PCDHGB6: variants seen among roughly 807,000 people sequenced by gnomAD.
PCDHGB6 encodes the protein protocadherin gamma-B6.
In PCDHGB6, 51 loss-of-function variants were observed where a neutral mutation model predicts 59.1. The ratio of observed to expected loss-of-function variants is 0.86; its 90% CI spans 0.69 to 1.09. The LOEUF (loss-of-function observed/expected upper bound fraction) is 1.09. Among genes scored for constraint, PCDHGB6 ranks in the 50% least tolerant of loss-of-function variants. The pLI, the probability that PCDHGB6 is intolerant of heterozygous loss-of-function variation, is 0.00. For missense variants in PCDHGB6, 1,148 were observed against 1,205.1 expected (o/e 0.95, Z 0.70); for synonymous variants, 466 against 495.1 (o/e 0.94, Z 0.78).
chr5:141,413,211 G>A, intron 1 of PCDHGB6: 1 of 1,613,214 alleles, frequency 6.2e-7, no homozygotes, highest in South Asian at 1.1e-5. Context: ...AGGAATCAAA[G>A]GATTGCAGCG....
chr5:141,485,274 C>T lies in PCDHGB6; in HGVS notation c.2419-9533C>T. On this transcript the variant is annotated intron_variant, in intron 1 of 3. Transcript: ENST00000520790. The surrounding 1 kb of genome is among the most constrained non-coding windows in gnomAD (Gnocchi z 5.7). Reference sequence around the variant, plus strand: ...TACGTTTGTGGGCAGATCCGCTACCCGGTCCCAGAGGAGTCACAGGAAGGG... The same window carrying T: ...TACGTTTGTGGGCAGATCCGCTACCTGGTCCCAGAGGAGTCACAGGAAGGG... The T allele has an allele frequency of 6.2e-7, 1 of 1,614,106 alleles. No individual in the cohort carries two copies. Among genetic ancestry groups the T allele is most frequent in the South Asian group, 1.1e-5 (1 of 91,086 alleles).
At chr5:141,461,242 T>G (rs1246270739) in intron 1 of PCDHGB6, among the ~76,000 whole-genome samples, 1 of 152,170 alleles carries the variant, frequency 6.6e-6, no homozygotes, top group Non-Finnish European at 1.5e-5. Context: ...TGTACTAATT[T>G]ATATTCCCAG....
chr5:141,420,840 TC>T (rs1453160032), intron 1 of PCDHGB6, among the ~76,000 whole-genome samples: 1 of 152,250 alleles, frequency 6.6e-6, no homozygotes, highest in Admixed American at 6.5e-5. Flanking sequence ...TCGCAGGTGT[TC>T]TTGGTAAAGT....
In PCDHGB6 at chr5:141,476,990, C is replaced by A; in HGVS notation, c.2419-17817C>A. On this transcript the variant is annotated intron_variant, in intron 1 of 3. Coordinates refer to ENST00000520790, the MANE Select transcript of PCDHGB6 (RefSeq NM_018926.3). The surrounding 1 kb of genome is among the most constrained non-coding windows in gnomAD (Gnocchi z 7.6). Reference sequence around the variant, plus strand: ...CGGCAGCCACAACCGCGCCGGCGTGCGGCAACTATTCGCCTTAGACCTTGT... The same window carrying A: ...CGGCAGCCACAACCGCGCCGGCGTGAGGCAACTATTCGCCTTAGACCTTGT... The A allele has an allele frequency of 6.2e-7, 1 of 1,614,220 alleles. No individual in the cohort carries two copies. Among genetic ancestry groups the A allele is most frequent in the South Asian group, 1.1e-5 (1 of 91,090 alleles).
intron 1 of PCDHGB6, among the ~76,000 whole-genome samples, chr5:141,444,558 T>C (rs2098440789): frequency 6.6e-6 from 1 of 152,190 alleles, no homozygotes; most frequent in African/African-American, 2.4e-5. Context: ...AAGGCACTTA[T>C]TTGACACTTT....
rs1347978078 is a variant in PCDHGB6, at chr5:141,486,800, C to G, written c.2419-8007C>G. ...GGTGCAGGCCCGGGATCGGGGCAAC[C>G]CACCCCTTAGCAGCACTGTAACAGT... On this transcript the variant is annotated intron_variant, in intron 1 of 3. Coordinates refer to ENST00000520790, the MANE Select transcript of PCDHGB6 (RefSeq NM_018926.3). The surrounding 1 kb of genome is among the most constrained non-coding windows in gnomAD (Gnocchi z 5.0). 1.9e-6 allele frequency: 3 copies of G among 1,614,104 alleles called. No individual in the cohort carries two copies. In the Admixed American group the frequency reaches 5.0e-5, roughly 27 times the overall value.
intron 1 of PCDHGB6, among the ~76,000 whole-genome samples, chr5:141,457,319 G>A (rs914658873): frequency 7.9e-5 from 12 of 152,086 alleles, no homozygotes; most frequent in East Asian, 3.8e-4. Flanking sequence ...AGAAACCTCC[G>A]GGTTACAGGT....
chr5:141,501,439 C>G (rs1245306644), intron 2 of PCDHGB6, among the ~76,000 whole-genome samples: 1 of 151,978 alleles, frequency 6.6e-6, no homozygotes, highest in Non-Finnish European at 1.5e-5. Context: ...TCCATTTCTT[C>G]CATTTTTACT....
rs17097211 is a variant in PCDHGB6 at position 141,423,498 on chromosome 5, G to A, written c.2418+12878G>A. 9.4e-4 allele frequency: 1,510 copies of A among 1,613,948 alleles called. 9 individuals are homozygous for A. In the African/African-American group the frequency reaches 0.016, roughly 17 times the overall value. ...CTTTCCTGCAAACCTATTCCCACGA[G>A]GTCTCTCTCATTGCGGACTCGCAGA... On this transcript the variant is annotated intron_variant, in intron 1 of 3. Transcript: ENST00000520790.
rs766083208 is a variant in PCDHGB6, at chr5:141,477,506, G to A, written c.2419-17301G>A. 1.9e-6 allele frequency: 3 copies of A among 1,614,028 alleles called. No homozygotes were observed. Among genetic ancestry groups the A allele is most frequent in the South Asian group, 2.2e-5 (2 of 91,076 alleles). ...ACAATCTTCTCAATCTTCCTACGAC[G>A]TTTACATTGAAGAAAACAACCTCCC... On this transcript the variant is annotated intron_variant, in intron 1 of 3. Transcript: ENST00000520790. This position sits in a 1 kb window ranked among gnomAD's most constrained non-coding sequence, Gnocchi z 4.9.
chr5:141,439,124 C>A (rs550781116), intron 1 of PCDHGB6, among the ~76,000 whole-genome samples: 332 of 150,120 alleles, frequency 2.2e-3, no homozygotes, highest in Non-Finnish European at 3.9e-3. Context: ...ACCCGGGAGA[C>A]AGAGGTTGCA....
chr5:141,452,303 G>C (rs1271182127), intron 1 of PCDHGB6, among the ~76,000 whole-genome samples: 1 of 152,048 alleles, frequency 6.6e-6, no homozygotes, highest in Non-Finnish European at 1.5e-5. Flanking sequence ...GAAAATATTA[G>C]AGACTCATAC....
intron 1 of PCDHGB6, among the ~76,000 whole-genome samples, chr5:141,446,473 G>C (rs558209769): frequency 2.0e-4 from 29 of 148,138 alleles, no homozygotes; most frequent in Non-Finnish European, 1.5e-4. Context: ...TAGACATATG[G>C]TCATCATTCT....
rs752392369 is a variant in PCDHGB6 at position 141,422,109 on chromosome 5, A to G, written c.2418+11489A>G. ...AAAGCAAGGCTTCTGAAATATTCCA[A>G]TTGGATTCACAAACTGGAGAAGTTC... On this transcript the variant is annotated intron_variant, in intron 1 of 3. Coordinates refer to ENST00000520790, the MANE Select transcript of PCDHGB6 (RefSeq NM_018926.3). 6 of 1,606,850 alleles carry G rather than the reference A, an allele frequency of 3.7e-6. No homozygotes were observed. The African/African-American group carries it at 4.0e-5, about 11-fold the overall frequency.
At position 141,432,252 on chromosome 5, in the gene PCDHGB6, G is replaced by A. The variant is rs749107567; in HGVS notation, c.2418+21632G>A. 3.7e-6 allele frequency: 6 copies of A among 1,614,220 alleles called. No homozygotes were observed. The highest frequency in any genetic ancestry group is 5.1e-6 in the Non-Finnish European group (6 of 1,180,042). ...TCCCTGGCTGAGAACACCATCCAAG[G>A]GGCAAGCCTATCGTCCTACGTGTCC... On this transcript the variant is annotated intron_variant, in intron 1 of 3. Coordinates refer to ENST00000520790, the MANE Select transcript of PCDHGB6 (RefSeq NM_018926.3). The surrounding 1 kb of genome is among the most constrained non-coding windows in gnomAD (Gnocchi z 6.0).
intron 1 of PCDHGB6, among the ~76,000 whole-genome samples, chr5:141,434,225 G>A (rs1591320318): frequency 6.6e-6 from 1 of 152,146 alleles, no homozygotes; most frequent in African/African-American, 2.4e-5. Flanking sequence ...AACAAAGTAC[G>A]ATTTCTGGAC....
chr5:141,438,231 TG>T (rs987686126), intron 1 of PCDHGB6, among the ~76,000 whole-genome samples: 1 of 152,082 alleles, frequency 6.6e-6, no homozygotes, highest in African/African-American at 2.4e-5. Context: ...TTCAGGAAAA[TG>T]TTTTTAAAAA....
Position 141,431,142 on chromosome 5 carries a change from A to G in PCDHGB6, c.2418+20522A>G. ...GAAGTAGAAGTAAGGGACATTAACG[A>G]CAATGCGCCTTACTTTCGTGAAAGT... On this transcript the variant is annotated intron_variant, in intron 1 of 3. Coordinates refer to ENST00000520790, the MANE Select transcript of PCDHGB6 (RefSeq NM_018926.3). This position sits in a 1 kb window ranked among gnomAD's most constrained non-coding sequence, Gnocchi z 4.8. 1 of 1,614,240 alleles carries G rather than the reference A, an allele frequency of 6.2e-7. No individual in the cohort carries two copies. Among genetic ancestry groups the G allele is most frequent in the Non-Finnish European group, 8.5e-7 (1 of 1,180,024 alleles).
chr5:141,425,836 C>T (rs568578402), intron 1 of PCDHGB6, among the ~76,000 whole-genome samples: 1 of 152,344 alleles, frequency 6.6e-6, no homozygotes, highest in East Asian at 1.9e-4. Context: ...TTTAAATTCT[C>T]TTTGCTGGGT....
Sources: allele counts gnomAD v4.1 joint callset (sites outside exome capture counted in the v4.1 genomes callset), GRCh38; gene constraint gnomAD v4.1.1; non-coding constraint Gnocchi (gnomAD v3.1); transcripts MANE v1.5; gene names NCBI Gene and HGNC (gene_info 2026-07-23, HGNC 2026-07-21).